The following KIAA0319L variants were observed in gnomAD, a reference collection of about 807,000 sequenced individuals.
KIAA0319L encodes the protein dyslexia-associated protein KIAA0319-like protein.
A neutral mutation model predicts 120.1 loss-of-function variants in KIAA0319L; 55 were observed. The observed-to-expected ratio is 0.46, with a 90% confidence interval of 0.37 to 0.57. KIAA0319L has a LOEUF of 0.57. Ranked by LOEUF, KIAA0319L falls within the 20% of genes least tolerant of loss-of-function variation. KIAA0319L has a pLI of 0.00. For synonymous variants in KIAA0319L, 398 were observed against 471.9 expected (o/e 0.84, Z 2.03); for missense variants, 1,049 against 1,255.3 (o/e 0.84, Z 2.48).
intron 2 of KIAA0319L, among the ~76,000 whole-genome samples, chr1:35,529,674 G>T (rs1646286628): frequency 6.6e-6 from 1 of 152,084 alleles, no homozygotes; most frequent in Non-Finnish European, 1.5e-5. Context: ...TGAGAAATCT[G>T]CTGTTAGTCT....
intron 2 of KIAA0319L, among the ~76,000 whole-genome samples, chr1:35,514,044 GAGAATTCATTAACAAGGC>G (rs754423645): frequency 4.6e-5 from 7 of 152,128 alleles, no homozygotes; most frequent in Admixed American, 1.3e-4. Context: ...TCCTGTAGTT[GAGAATTCATTAACAAGGC>G]AGGCAATTCT....
chr1:35,542,458 C>A (rs933500397), intron 2 of KIAA0319L, among the ~76,000 whole-genome samples: 2 of 152,222 alleles, frequency 1.3e-5, no homozygotes, highest in Admixed American at 6.5e-5. Flanking sequence ...CAACCTCTCT[C>A]TGGAACTTAT....
intron 3 of KIAA0319L, among the ~76,000 whole-genome samples, chr1:35,500,325 A>G (rs2148382225): frequency 6.6e-6 from 1 of 152,348 alleles, no homozygotes; most frequent in African/African-American, 2.4e-5. Flanking sequence ...TACACGTTCC[A>G]GGACCCAATC....
chr1:35,461,413 C>T (rs1642880255), intron 8 of KIAA0319L, among the ~76,000 whole-genome samples: 1 of 152,078 alleles, frequency 6.6e-6, no homozygotes, highest in Non-Finnish European at 1.5e-5. Context: ...TTGCAGTGAG[C>T]CAAGATTGTG....
chr1:35,506,710 C>T lies in KIAA0319L; in HGVS notation c.568G>A (p.Gly190Ser). ...GGTGTAACTACGTCACTGGGACTAC[C>T]TCTCTTCTGAAGCTTCCTGATTAAG... ...QSLIRKLQKR[G>S]SPSDVVTPIV... The change falls in exon 3 of 21, where the codon GGT becomes AGT. Residue 190 changes from glycine to serine, a missense_variant. Transcript: ENST00000325722. The surrounding 1 kb of genome is among the most constrained non-coding windows in gnomAD (Gnocchi z 4.0). The T allele has an allele frequency of 3.1e-6, 5 of 1,614,176 alleles. No individual in the cohort carries two copies. The highest frequency in any genetic ancestry group is 4.2e-6 in the Non-Finnish European group (5 of 1,180,024).
chr1:35,543,794 C>G (rs1350392565), intron 2 of KIAA0319L, among the ~76,000 whole-genome samples: 1 of 152,180 alleles, frequency 6.6e-6, no homozygotes, highest in Non-Finnish European at 1.5e-5. Flanking sequence ...GTCCCATCTG[C>G]AGTCTCTGTA....
rs1225583604 is a variant in KIAA0319L, at chr1:35,450,938, C to T, written c.2063-429G>A. ...TATTCTCTGAATATCTTTTTGGACC[C>T]CTTCCTTGGAACTTCACAAGAGAAA... On this transcript the variant is annotated intron_variant, in intron 13 of 20. Coordinates refer to ENST00000325722, the MANE Select transcript of KIAA0319L (RefSeq NM_024874.5). Among the ~76,000 whole-genome samples, 3 of 152,328 alleles carry T rather than the reference C, an allele frequency of 2.0e-5. No individual in the cohort carries two copies. The East Asian group carries it at 5.8e-4, about 29-fold the overall frequency.
intron 6 of KIAA0319L, among the ~76,000 whole-genome samples, chr1:35,468,963 T>C (rs1000376425): frequency 6.6e-6 from 1 of 152,204 alleles, no homozygotes. Flanking sequence ...TTACGAAGAT[T>C]AAAAGAAATA....
chr1:35,484,171 T>A (rs759245427), intron 3 of KIAA0319L, among the ~76,000 whole-genome samples: 1 of 152,220 alleles, frequency 6.6e-6, no homozygotes, highest in Non-Finnish European at 1.5e-5. Flanking sequence ...CATCATTACT[T>A]ATTTCTCATA....
At chr1:35,487,382 G>A (rs987365891) in intron 3 of KIAA0319L, among the ~76,000 whole-genome samples, 1 of 151,990 alleles carries the variant, frequency 6.6e-6, no homozygotes, top group Non-Finnish European at 1.5e-5. Context: ...AGCCTCCCTA[G>A]TAGCTGGAAT....
intron 3 of KIAA0319L, among the ~76,000 whole-genome samples, chr1:35,499,843 C>T (rs1197875636): frequency 6.6e-6 from 1 of 150,676 alleles, no homozygotes; most frequent in Non-Finnish European, 1.5e-5. Context: ...TGAAGGGAAA[C>T]AGCACTGCTT....
At position 35,479,052 on chromosome 1, in the gene KIAA0319L, G is replaced by C. The variant is rs777276368; in HGVS notation, c.827C>G (p.Ala276Gly). 19 of 1,614,152 alleles carry C rather than the reference G, an allele frequency of 1.2e-5. No homozygotes were observed. The highest frequency in any genetic ancestry group is 1.6e-5 in the Non-Finnish European group (19 of 1,180,008). Residue 276 changes from alanine to glycine, a missense_variant, in exon 4 of 21, where the codon GCT (alanine) becomes GGT (glycine). Coordinates refer to ENST00000325722, the MANE Select transcript of KIAA0319L (RefSeq NM_024874.5). Reference sequence around the variant, plus strand: ...GGAGGGAGCCACTGGCTGGGGGACAGCAATCTGGGTTTTCTCAGAACTTTT... The same window carrying C: ...GGAGGGAGCCACTGGCTGGGGGACACCAATCTGGGTTTTCTCAGAACTTTT... ...QVKSSEKTQI[A>G]VPQPVAPSYS...
At chr1:35,441,020 A>C in intron 20 of KIAA0319L, 27 bp downstream of exon 20, 1 of 1,577,618 alleles carries the variant, frequency 6.3e-7, no homozygotes. Flanking sequence ...GCACAGACCT[A>C]GAAGCTCTGG....
intron 2 of KIAA0319L, among the ~76,000 whole-genome samples, chr1:35,552,375 T>C (rs1647287387): frequency 6.6e-6 from 1 of 151,784 alleles, no homozygotes; most frequent in Non-Finnish European, 1.5e-5. Flanking sequence ...CTCCAAAACA[T>C]CCCCTATGGT....
At chr1:35,487,823 TCTAATCTCTGCCTCC>T (rs1262649777) in intron 3 of KIAA0319L, among the ~76,000 whole-genome samples, 16 of 148,534 alleles carry the variant, frequency 1.1e-4, no homozygotes, top group Admixed American at 1.1e-3. Context: ...AAGACAGAAC[TCTAATCTCTGCCTCC>T]CTAATCTCTG....
chr1:35,440,911 T>C, intron 20 of KIAA0319L, 136 bp downstream of exon 20: 5 of 777,252 alleles, frequency 6.4e-6, no homozygotes, highest in Non-Finnish European at 1.1e-5. Context: ...ACCCTCAGTC[T>C]TCATCAGGCA....
chr1:35,481,808 CTGTT>C (rs1289347011), intron 3 of KIAA0319L, among the ~76,000 whole-genome samples: 16 of 136,752 alleles, frequency 1.2e-4, no homozygotes, highest in East Asian at 4.4e-4. Flanking sequence ...AACCATTCTG[CTGTT>C]TCTTTTTTTT....
intron 3 of KIAA0319L, among the ~76,000 whole-genome samples, chr1:35,496,828 T>C (rs1253381009): frequency 6.6e-6 from 1 of 151,588 alleles, no homozygotes; most frequent in African/African-American, 2.4e-5. Context: ...ATGCCTGTAT[T>C]CCCAGCTACT....
intron 7 of KIAA0319L, among the ~76,000 whole-genome samples, chr1:35,464,130 G>A (rs961152460): frequency 6.6e-6 from 1 of 152,146 alleles, no homozygotes; most frequent in Non-Finnish European, 1.5e-5. Context: ...AGAGTAGGGT[G>A]CTGCTGAAAA....
Sources: gnomAD v4.1 joint callset for allele counts (sites outside exome capture counted in the v4.1 genomes callset) on GRCh38, gnomAD v4.1.1 for gene constraint, Gnocchi (gnomAD v3.1) non-coding constraint, MANE v1.5 for transcripts, NCBI Gene and HGNC (gene_info 2026-07-23, HGNC 2026-07-21) for gene names.